ZKSCAN5: variants seen among roughly 807,000 people sequenced by gnomAD.
The protein encoded by ZKSCAN5 is zinc finger with KRAB and SCAN domains 5, also known as zinc finger protein with KRAB and SCAN domains 5.
A neutral mutation model predicts 60.0 loss-of-function variants in ZKSCAN5; 28 were observed. That is an observed-to-expected ratio of 0.47 (90% CI 0.35 to 0.64). The LOEUF is 0.64. Ranked by LOEUF, ZKSCAN5 falls within the 30% of genes least tolerant of loss-of-function variation. ZKSCAN5 has a pLI of 0.01. For missense variants in ZKSCAN5, 881 were observed against 1,034.6 expected (o/e 0.85, Z 2.04); for synonymous variants, 361 against 371.2 (o/e 0.97, Z 0.31).
chr7:99,518,842 A>G (rs553827726), intron 3 of ZKSCAN5, among the ~76,000 whole-genome samples: 21 of 150,884 alleles, frequency 1.4e-4, no homozygotes, highest in Non-Finnish European at 2.4e-4. Flanking sequence ...TGCCCAGCTA[A>G]TTTTTGCATT....
At position 99,526,277 on chromosome 7, in the gene ZKSCAN5, G is replaced by A. The variant is rs201567552; in HGVS notation, c.1237G>A (p.Val413Met). The change falls in exon 6 of 7, where the codon GTG becomes ATG. Residue 413 changes from valine to methionine, a missense_variant. Val to Met is a conservative substitution (Grantham distance 21). Coordinates refer to ENST00000326775, the MANE Select transcript of ZKSCAN5 (RefSeq NM_145102.4). ...KCQVCGKAFR[V>M]SSHLVQHHSV... ...TCAGGTGTGCGGAAAGGCTTTCCGG[G>A]TGAGTTCCCACCTGGTTCAGCACCA... 1.9e-6 allele frequency: 3 copies of A among 1,613,564 alleles called. No homozygotes were observed. The highest frequency in any genetic ancestry group is 2.2e-5 in the East Asian group (1 of 44,882).
At chr7:99,519,706 A>G in intron 3 of ZKSCAN5, 121 bp from the exon 4 acceptor site, 3 of 826,696 alleles carry the variant, frequency 3.6e-6, no homozygotes, top group Non-Finnish European at 3.9e-6. Flanking sequence ...ACAGCCAGGC[A>G]GAAGAATTTG....
At chr7:99,524,245 C>T (rs899405641) in intron 5 of ZKSCAN5, among the ~76,000 whole-genome samples, 3 of 151,774 alleles carry the variant, frequency 2.0e-5, no homozygotes, top group Non-Finnish European at 2.9e-5. Flanking sequence ...TAATTTTTTT[C>T]GTATTTTTAG....
In ZKSCAN5 at chr7:99,526,019, G is replaced by GA. The variant is rs1801767581; in HGVS notation, c.980dup (p.Asp327GlufsTer11). Reference sequence around the variant, plus strand: ...AAGGCAGAATCCTTCCCAGAAAAGGGATCTGGATGCAATCACAGACATCAG... The same window carrying GA: ...AAGGCAGAATCCTTCCCAGAAAAGGGAATCTGGATGCAATCACAGACATCAG... On this transcript the variant is annotated frameshift_variant, in exon 6 of 7. Coordinates refer to ENST00000326775, the MANE Select transcript of ZKSCAN5 (RefSeq NM_145102.4). LOFTEE classifies it high-confidence loss of function. The GA allele has an allele frequency of 1.2e-6, 2 of 1,614,006 alleles. No homozygotes were observed. The highest frequency in any genetic ancestry group is 1.7e-6 in the Non-Finnish European group (2 of 1,180,048).
intron 2 of ZKSCAN5, among the ~76,000 whole-genome samples, chr7:99,506,831 C>G (rs1370810493): frequency 6.6e-6 from 1 of 151,658 alleles, no homozygotes; most frequent in African/African-American, 2.4e-5. Flanking sequence ...TGCAGGCGTC[C>G]GCCACCAGGC....
intron 5 of ZKSCAN5, among the ~76,000 whole-genome samples, chr7:99,523,783 C>A (rs1050183719): frequency 6.6e-6 from 1 of 151,964 alleles, no homozygotes; most frequent in Non-Finnish European, 1.5e-5. Context: ...TTTACTGTTT[C>A]AGTGTCTTTT....
intron 3 of ZKSCAN5, among the ~76,000 whole-genome samples, chr7:99,519,312 CTG>C (rs1801413628): frequency 7.4e-6 from 1 of 134,286 alleles, no homozygotes; most frequent in Admixed American, 8.6e-5. Context: ...GTGGCTGACT[CTG>C]TTGCCCAGGC....
intron 5 of ZKSCAN5, among the ~76,000 whole-genome samples, chr7:99,525,493 G>A (rs557651029): frequency 4.4e-4 from 67 of 152,022 alleles, no homozygotes; most frequent in Non-Finnish European, 7.9e-4. Flanking sequence ...ATACACGCGC[G>A]CGCGCACACA....
Position 99,506,134 on chromosome 7 carries a change from G to C in ZKSCAN5, c.90G>C (p.Val30=), listed in dbSNP as rs765685229. The C allele has an allele frequency of 3.7e-6, 6 of 1,614,046 alleles. No individual in the cohort carries two copies. In the Admixed American group the frequency reaches 1.0e-4, roughly 27 times the overall value. The change falls in exon 2 of 7, where the codon GTG becomes GTC. Residue 30 remains valine (V), a synonymous_variant. Coordinates refer to ENST00000326775, the MANE Select transcript of ZKSCAN5 (RefSeq NM_145102.4). The part of the protein sequence containing the change: ...QEQEDLFIVK[V]EEEDCTWMQE... The stretch of plus-strand genomic sequence containing the variant: ...AGGAAGACCTTTTCATAGTGAAGGT[G>C]GAAGAAGAAGACTGCACCTGGATGC...
chr7:99,518,997 A>G (rs1417809493), intron 3 of ZKSCAN5, among the ~76,000 whole-genome samples: 1 of 128,040 alleles, frequency 7.8e-6, no homozygotes, highest in Non-Finnish European at 1.6e-5. Flanking sequence ...TTTTTTTGAG[A>G]CGGAGTCTTG....
chr7:99,528,907 C>T (rs1801925131), intron 6 of ZKSCAN5, among the ~76,000 whole-genome samples: 1 of 152,130 alleles, frequency 6.6e-6, no homozygotes, highest in Admixed American at 6.6e-5. Flanking sequence ...TGAGCATTCC[C>T]AAAGGAGAAG....
intron 5 of ZKSCAN5, among the ~76,000 whole-genome samples, chr7:99,524,088 T>G (rs78628563): frequency 4.6e-5 from 7 of 151,018 alleles, no homozygotes; most frequent in Admixed American, 6.6e-5. Context: ...TTTTTTTTTT[T>G]GGGACAGAGT....
chr7:99,510,350 C>G (rs1452641358), intron 2 of ZKSCAN5, among the ~76,000 whole-genome samples: 1 of 152,102 alleles, frequency 6.6e-6, no homozygotes, highest in Non-Finnish European at 1.5e-5. Context: ...TCTCCTGCGT[C>G]AGTCTCCTGA....
intron 3 of ZKSCAN5, among the ~76,000 whole-genome samples, chr7:99,518,405 A>G (rs1801362763): frequency 6.6e-6 from 1 of 151,804 alleles, no homozygotes; most frequent in South Asian, 2.1e-4. Context: ...TGGGCCACAG[A>G]GCGAGACTCT....
intron 3 of ZKSCAN5, among the ~76,000 whole-genome samples, chr7:99,512,974 C>G (rs1447021450): frequency 9.7e-6 from 1 of 103,208 alleles, no homozygotes. Context: ...CTATCCCTCC[C>G]CCCTCCCCCC....
In ZKSCAN5 at chr7:99,520,311, A is replaced by G. The variant is rs762964607; in HGVS notation, c.772+7A>G. ...GGGAGTATTACTTCCATGGGTAAGGATTATTTCATCTGCATGGATTAGGAC... is the reference window on the plus strand; with the variant it reads ...GGGAGTATTACTTCCATGGGTAAGGGTTATTTCATCTGCATGGATTAGGAC... On this transcript the variant is annotated splice_region_variant and intron_variant, in intron 5 of 6. Transcript: ENST00000326775. The G allele has an allele frequency of 2.5e-6, 4 of 1,609,234 alleles. No individual in the cohort carries two copies. The highest frequency in any genetic ancestry group is 3.4e-6 in the Non-Finnish European group (4 of 1,178,670).
At chr7:99,515,993 C>CT (rs1219636117) in intron 3 of ZKSCAN5, among the ~76,000 whole-genome samples, 249 of 145,680 alleles carry the variant, frequency 1.7e-3, no homozygotes, top group East Asian at 7.2e-3. Flanking sequence ...CTCATCTTTG[C>CT]TTTTTTTTTT....
chr7:99,511,602 C>G (rs1488779733), intron 2 of ZKSCAN5, among the ~76,000 whole-genome samples: 1 of 151,904 alleles, frequency 6.6e-6, no homozygotes, highest in Non-Finnish European at 1.5e-5. Context: ...GCCACCATGC[C>G]TGGCTAATTT....
intron 5 of ZKSCAN5, 89 bp from the exon 6 acceptor site, chr7:99,525,724 A>G (rs189985772): frequency 6.7e-7 from 1 of 1,491,494 alleles, no homozygotes; most frequent in Non-Finnish European, 9.0e-7. Context: ...GATCCCTAGC[A>G]CATGTCAGTT....
Sources: gnomAD v4.1 joint callset for allele counts (sites outside exome capture counted in the v4.1 genomes callset) on GRCh38, gnomAD v4.1.1 for gene constraint, MANE v1.5 for transcripts, NCBI Gene and HGNC (gene_info 2026-07-23, HGNC 2026-07-21) for gene names.